The following CTNNA3 variants were observed in gnomAD, a reference collection of about 807,000 sequenced individuals.
The protein encoded by CTNNA3 is catenin alpha 3.
A neutral mutation model predicts 95.7 loss-of-function variants in CTNNA3; 76 were observed. The ratio of observed to expected loss-of-function variants is 0.79; its 90% CI spans 0.66 to 0.96. The LOEUF is 0.96. Ranked by LOEUF, CTNNA3 falls within the 40% of genes least tolerant of loss-of-function variation. The probability of loss-of-function intolerance (pLI) is 0.00; values close to 1 mark genes in which losing one functional copy is unlikely to be tolerated. For synonymous variants in CTNNA3, 431 were observed against 374.4 expected, an observed-to-expected ratio of 1.15 and a Z score of -1.74; for missense variants, 1,191 against 1,089.8, an observed-to-expected ratio of 1.09 and a Z score of -1.31.
Position 66,069,505 on chromosome 10 carries a change from A to G in CTNNA3, c.1978-16T>C, listed in dbSNP as rs1210368077. 2.5e-6 allele frequency: 4 copies of G among 1,585,256 alleles called. No homozygotes were observed. Among genetic ancestry groups the G allele is most frequent in the Non-Finnish European group, 3.4e-6 (4 of 1,166,338 alleles). On this transcript the variant is annotated splice_polypyrimidine_tract_variant and intron_variant, in intron 14 of 17. Transcript: ENST00000433211. ...TCATCTTAGCCTAAAACATGTGATAATTAGAGTTAAAATCATTCCACTATG... is the reference window on the plus strand; with the variant it reads ...TCATCTTAGCCTAAAACATGTGATAGTTAGAGTTAAAATCATTCCACTATG...
intron 13 of CTNNA3, among the ~76,000 whole-genome samples, chr10:66,246,984 AG>A (rs2090355878): frequency 6.8e-6 from 1 of 147,114 alleles, no homozygotes; most frequent in Admixed American, 7.0e-5. Context: ...ACCCGGGAGG[AG>A]GTTGCAGTGA....
rs558829106 is a variant in CTNNA3, at chr10:66,603,359, A to T, written c.1374+18333T>A. Among the ~76,000 whole-genome samples, 19 of 152,232 alleles carry T rather than the reference A, an allele frequency of 1.2e-4. No individual in the cohort carries two copies. The East Asian group carries it at 3.5e-3, about 28-fold the overall frequency. On this transcript the variant is annotated intron_variant, in intron 10 of 17. Coordinates refer to ENST00000433211, the MANE Select transcript of CTNNA3 (RefSeq NM_013266.4). ...TTTACAATAGCTAAAAATATATATC[A>T]CACATAAGAATAAATTTAATGAAGA...
chr10:67,308,208 T>C (rs372756700), intron 5 of CTNNA3, among the ~76,000 whole-genome samples: 1 of 152,208 alleles, frequency 6.6e-6, no homozygotes, highest in African/African-American at 2.4e-5. Flanking sequence ...CAGAATTACA[T>C]TGATATGGCT....
At chr10:67,598,446 C>T (rs1842989055) in intron 3 of CTNNA3, among the ~76,000 whole-genome samples, 1 of 152,086 alleles carries the variant, frequency 6.6e-6, no homozygotes, top group Non-Finnish European at 1.5e-5. Context: ...CTCCCCCCTT[C>T]AGCCCAGGAT....
chr10:66,478,957 T>A (rs1457977580), intron 11 of CTNNA3, among the ~76,000 whole-genome samples: 2 of 151,920 alleles, frequency 1.3e-5, no homozygotes, highest in Non-Finnish European at 2.9e-5. Flanking sequence ...ATAATTCTTA[T>A]GTCTGGTTAA....
At chr10:67,617,962 T>C (rs993036973) in intron 2 of CTNNA3, among the ~76,000 whole-genome samples, 4 of 152,028 alleles carry the variant, frequency 2.6e-5, no homozygotes, top group Non-Finnish European at 4.4e-5. Flanking sequence ...GTTAATCATA[T>C]AGTCTCCTTT....
At chr10:66,278,560 G>A (rs987850276) in intron 13 of CTNNA3, among the ~76,000 whole-genome samples, 12 of 151,920 alleles carry the variant, frequency 7.9e-5, no homozygotes, top group Admixed American at 3.9e-4. Flanking sequence ...CTGTATATGA[G>A]GAATATGTAA....
intron 5 of CTNNA3, among the ~76,000 whole-genome samples, chr10:67,295,349 A>G (rs1839993379): frequency 6.6e-6 from 1 of 152,224 alleles, no homozygotes; most frequent in Non-Finnish European, 1.5e-5. Flanking sequence ...ATAAATTGTA[A>G]AATTATAAAG....
chr10:67,152,635 T>A (rs1861134828), intron 7 of CTNNA3, among the ~76,000 whole-genome samples: 1 of 152,220 alleles, frequency 6.6e-6, no homozygotes, highest in African/African-American at 2.4e-5. Context: ...AATTACACAT[T>A]TTTAATTAAA....
intron 17 of CTNNA3, among the ~76,000 whole-genome samples, chr10:65,952,834 C>T (rs2077647121): frequency 6.6e-6 from 1 of 152,120 alleles, no homozygotes; most frequent in African/African-American, 2.4e-5. Context: ...CTGATCTTTC[C>T]CCTTTGACTG....
At chr10:66,814,003 T>C (rs78340304) in intron 7 of CTNNA3, among the ~76,000 whole-genome samples, 1,978 of 152,214 alleles carry the variant, frequency 0.013, 28 homozygotes, top group African/African-American at 0.045. Flanking sequence ...GTATAGATTG[T>C]AGAGCTGCTA....
intron 5 of CTNNA3, among the ~76,000 whole-genome samples, chr10:67,467,574 C>A (rs1564670247): frequency 6.6e-6 from 1 of 152,086 alleles, no homozygotes. Context: ...AACATATTTT[C>A]ATTCTAAATA....
At chr10:67,422,977 A>C (rs1281910178) in intron 5 of CTNNA3, among the ~76,000 whole-genome samples, 1 of 152,184 alleles carries the variant, frequency 6.6e-6, no homozygotes, top group Non-Finnish European at 1.5e-5. Context: ...TCTTTTAAAT[A>C]GAGGTGATTT....
At chr10:67,154,292 CT>C (rs201096353) in intron 7 of CTNNA3, among the ~76,000 whole-genome samples, 30 of 151,694 alleles carry the variant, frequency 2.0e-4, no homozygotes, top group Admixed American at 4.6e-4. Context: ...CGTTAATGGG[CT>C]TTTTTTTAAG....
chr10:66,479,316 G>C (rs1404506543), intron 11 of CTNNA3, among the ~76,000 whole-genome samples: 1 of 151,780 alleles, frequency 6.6e-6, no homozygotes, highest in Non-Finnish European at 1.5e-5. Context: ...TCTCATGCTG[G>C]CTGGTAGGGC....
chr10:66,561,766 T>A (rs1262081977), intron 10 of CTNNA3, among the ~76,000 whole-genome samples: 3 of 152,028 alleles, frequency 2.0e-5, no homozygotes, highest in African/African-American at 7.2e-5. Flanking sequence ...TTTTGAGAAA[T>A]CTTTAGCATG....
chr10:66,209,235 T>C (rs68194054), intron 13 of CTNNA3, among the ~76,000 whole-genome samples: 6,792 of 152,236 alleles, frequency 0.045, 183 homozygotes, highest in African/African-American at 0.056. Context: ...CTTTATGTCA[T>C]GACTCTTCTA....
chr10:67,435,175 C>G (rs1257187172), intron 5 of CTNNA3, among the ~76,000 whole-genome samples: 1 of 151,936 alleles, frequency 6.6e-6, no homozygotes, highest in Non-Finnish European at 1.5e-5. Flanking sequence ...AAGTTTTAAG[C>G]CCAATTTCAA....
At chr10:67,561,878 A>G (rs1385123525) in intron 3 of CTNNA3, among the ~76,000 whole-genome samples, 1 of 152,236 alleles carries the variant, frequency 6.6e-6, no homozygotes, top group Non-Finnish European at 1.5e-5. Context: ...CAAATAAACT[A>G]GAAAATCTCA....
Sources: allele counts gnomAD v4.1 joint callset (sites outside exome capture counted in the v4.1 genomes callset), GRCh38; gene constraint gnomAD v4.1.1; transcripts MANE v1.5; gene names NCBI Gene and HGNC (gene_info 2026-07-23, HGNC 2026-07-21).